The following WDPCP variants were observed in gnomAD, a reference collection of about 807,000 sequenced individuals.
The protein encoded by WDPCP is WD repeat containing planar cell polarity effector, also known as WD repeat-containing and planar cell polarity effector protein fritz homolog.
WDPCP carries 71 observed loss-of-function variants against 93.1 expected under a neutral mutation model. The ratio of observed to expected loss-of-function variants is 0.76; its 90% CI spans 0.63 to 0.93. The LOEUF (loss-of-function observed/expected upper bound fraction) is 0.93, where lower values mean the gene tolerates loss of function less well. Ranked by LOEUF, WDPCP falls within the 40% of genes least tolerant of loss-of-function variation. The pLI is 0.00. For synonymous variants in WDPCP, 315 were observed against 315.0 expected, an observed-to-expected ratio of 1.00 and a Z score of 0.00; for missense variants, 844 against 887.4, an observed-to-expected ratio of 0.95 and a Z score of 0.62.
chr2:63,265,117 T>A (rs1681987130), intron 13 of WDPCP, among the ~76,000 whole-genome samples: 1 of 151,512 alleles, frequency 6.6e-6, no homozygotes, highest in Admixed American at 6.6e-5. Context: ...AAATAAACAA[T>A]CTAACATTAC....
In WDPCP at chr2:63,144,255, A is replaced by G. The variant is rs571748446; in HGVS notation, c.2190+8659T>C. On this transcript the variant is annotated intron_variant, in intron 17 of 17. Transcript: ENST00000272321. ...ATTGGTGAGACTTTCCAGAGCATTT[A>G]CCCTTTTTATTTTATTTTATTTTAT... Among the ~76,000 whole-genome samples the G allele has an allele frequency of 7.1e-5, 10 of 141,258 alleles. No homozygotes were observed. The South Asian group carries it at 2.2e-3, about 31-fold the overall frequency. 92.7% of individuals were successfully genotyped at this position (141,258 alleles called of 152,430 possible). A position where few individuals can be genotyped will look rare whatever the true frequency, so the allele number is the denominator to read the frequency against.
chr2:63,134,843 G>C (rs1255443376), intron 17 of WDPCP, among the ~76,000 whole-genome samples: 1 of 152,100 alleles, frequency 6.6e-6, no homozygotes, highest in Non-Finnish European at 1.5e-5. Flanking sequence ...CTCAAGATTG[G>C]GGGGCGCTGT....
At chr2:63,544,124 A>G (rs1482490601) in intron 1 of WDPCP, among the ~76,000 whole-genome samples, 1 of 152,160 alleles carries the variant, frequency 6.6e-6, no homozygotes, top group Non-Finnish European at 1.5e-5. Flanking sequence ...TTATTTCCAA[A>G]GAGTTTCTTC....
intron 13 of WDPCP, among the ~76,000 whole-genome samples, chr2:63,261,662 A>G (rs1681643776): frequency 6.6e-6 from 1 of 152,180 alleles, no homozygotes. Context: ...ATATAGAGCT[A>G]TATCACAAAA....
In WDPCP at chr2:63,336,895, C is replaced by CTTTT. The variant is rs70965120; in HGVS notation, c.1749-23588_1749-23585dup. ...CTACTCTCTATCTTCATGAGAGTCACTTTTTTTTTTTTTTTTTGAGACAGA... is the reference window on the plus strand; with the variant it reads ...CTACTCTCTATCTTCATGAGAGTCACTTTTTTTTTTTTTTTTTTTTTGAGACAGA... On this transcript the variant is annotated intron_variant, in intron 12 of 17. Coordinates refer to ENST00000272321, the MANE Select transcript of WDPCP (RefSeq NM_015910.7). Among the ~76,000 whole-genome samples the CTTTT allele has an allele frequency of 4.2e-4, 51 of 122,298 alleles. 1 individual carries two copies. Among genetic ancestry groups the CTTTT allele is most frequent in the African/African-American group, 7.6e-4 (24 of 31,572 alleles). 80.2% of individuals were successfully genotyped at this position (122,298 alleles called of 152,430 possible). A position where few individuals can be genotyped will look rare whatever the true frequency, so the allele number is the denominator to read the frequency against.
chr2:63,407,832 A>T (rs1376812081), intron 9 of WDPCP, among the ~76,000 whole-genome samples: 1 of 152,210 alleles, frequency 6.6e-6, no homozygotes, highest in East Asian at 1.9e-4. Context: ...ATACTTCCAG[A>T]AAGCTTAAAG....
At chr2:63,471,924 T>C (rs1050604851) in intron 6 of WDPCP, among the ~76,000 whole-genome samples, 4 of 152,090 alleles carry the variant, frequency 2.6e-5, no homozygotes, top group African/African-American at 7.3e-5. Context: ...CTGGCTTGAA[T>C]GACAATTTAG....
chr2:63,378,842 C>T (rs1189066581), intron 11 of WDPCP, among the ~76,000 whole-genome samples: 5 of 152,124 alleles, frequency 3.3e-5, no homozygotes, highest in African/African-American at 1.2e-4. Context: ...AAAATCAACT[C>T]ACAGTGTGCT....
At chr2:63,408,895 C>T (rs574248204) in intron 9 of WDPCP, among the ~76,000 whole-genome samples, 1 of 152,140 alleles carries the variant, frequency 6.6e-6, no homozygotes, top group Non-Finnish European at 1.5e-5. Flanking sequence ...CACAGCAACA[C>T]CCACCCAAGG....
intron 10 of WDPCP, among the ~76,000 whole-genome samples, chr2:63,403,229 T>G (rs1014956420): frequency 3.9e-5 from 6 of 151,956 alleles, no homozygotes. Flanking sequence ...TGATAAAAAC[T>G]TATGAACACA....
At chr2:63,608,574 C>G (rs765394683) in intron 3 of WDPCP, among the ~76,000 whole-genome samples, 30 of 151,996 alleles carry the variant, frequency 2.0e-4, no homozygotes, top group Non-Finnish European at 3.4e-4. Context: ...TTTGGGAGGC[C>G]AGGGCAGGAG....
At chr2:63,804,902 C>A (rs771105276) in intron 2 of WDPCP, among the ~76,000 whole-genome samples, 7 of 151,880 alleles carry the variant, frequency 4.6e-5, no homozygotes, top group Non-Finnish European at 7.4e-5. Flanking sequence ...GTGGTGGGTG[C>A]CTGTAATTCC....
chr2:63,442,681 G>T (rs1186006356), intron 6 of WDPCP: 1 of 152,138 alleles, frequency 6.6e-6, no homozygotes, highest in Non-Finnish European at 1.5e-5. Flanking sequence ...ATTTCACAAG[G>T]ATATTATCTC....
intron 2 of WDPCP, among the ~76,000 whole-genome samples, chr2:63,810,125 T>C (rs1157630368): frequency 1.3e-5 from 2 of 152,174 alleles, no homozygotes; most frequent in Non-Finnish European, 2.9e-5. Context: ...CCTGGTGAAC[T>C]GCAAACAGAA....
intron 1 of WDPCP, among the ~76,000 whole-genome samples, chr2:63,525,338 C>T (rs1187261806): frequency 6.6e-6 from 1 of 152,076 alleles, no homozygotes; most frequent in African/African-American, 2.4e-5. Flanking sequence ...TACACCAAAC[C>T]TCTGTGACAT....
At chr2:63,212,051 A>T (rs1451645855) in intron 14 of WDPCP, among the ~76,000 whole-genome samples, 6 of 152,226 alleles carry the variant, frequency 3.9e-5, no homozygotes, top group Non-Finnish European at 8.8e-5. Flanking sequence ...ACTCTTGAGG[A>T]TATTATCAAA....
intron 1 of WDPCP, among the ~76,000 whole-genome samples, chr2:63,550,998 G>A (rs755742504): frequency 2.6e-5 from 4 of 152,030 alleles, no homozygotes; most frequent in South Asian, 2.1e-4. Context: ...AGAAACCTAC[G>A]TATAAGTCTT....
intron 1 of WDPCP, among the ~76,000 whole-genome samples, chr2:63,529,680 T>C (rs940404053): frequency 1.3e-5 from 2 of 152,126 alleles, no homozygotes; most frequent in East Asian, 3.9e-4. Flanking sequence ...AATTCTCTTT[T>C]TTCGTTGTGT....
chr2:63,283,119 C>A (rs1430387158), intron 13 of WDPCP, among the ~76,000 whole-genome samples: 1 of 152,068 alleles, frequency 6.6e-6, no homozygotes, highest in African/African-American at 2.4e-5. Flanking sequence ...TGTGGCATAA[C>A]TTTATGAAGA....
Sources: gnomAD v4.1 joint callset for allele counts (sites outside exome capture counted in the v4.1 genomes callset) on GRCh38, gnomAD v4.1.1 for gene constraint, MANE v1.5 for transcripts, NCBI Gene and HGNC (gene_info 2026-07-23, HGNC 2026-07-21) for gene names.